SLC4A4: variants seen among roughly 807,000 people sequenced by gnomAD.
The protein encoded by SLC4A4 is electrogenic sodium bicarbonate cotransporter 1.
SLC4A4 carries 27 observed loss-of-function variants against 111.5 expected under a neutral mutation model. The ratio of observed to expected loss-of-function variants is 0.24; its 90% CI spans 0.18 to 0.33. The LOEUF (loss-of-function observed/expected upper bound fraction) is 0.33. Ranked by LOEUF, SLC4A4 falls within the 10% of genes least tolerant of loss-of-function variation. The probability of loss-of-function intolerance (pLI) is 1.00; values close to 1 mark genes in which losing one functional copy is unlikely to be tolerated. For missense variants in SLC4A4, 909 were observed against 1,315.5 expected (o/e 0.69, Z 4.78); for synonymous variants, 443 against 463.4 (o/e 0.96, Z 0.57).
intron 17 of SLC4A4, among the ~76,000 whole-genome samples, chr4:71,532,921 T>A (rs1164717226): frequency 6.6e-6 from 1 of 152,176 alleles, no homozygotes; most frequent in Non-Finnish European, 1.5e-5. Flanking sequence ...ACAAAGTAGA[T>A]ATAATAATTA....
At chr4:71,377,398 T>C (rs140457820) in intron 6 of SLC4A4, among the ~76,000 whole-genome samples, 88 of 152,356 alleles carry the variant, frequency 5.8e-4, no homozygotes, top group African/African-American at 2.0e-3. Context: ...ACTATGTGTT[T>C]GTGACTGTGA....
At chr4:71,477,719 AAAGAAC>A in intron 14 of SLC4A4, among the ~76,000 whole-genome samples, 1 of 151,826 alleles carries the variant, frequency 6.6e-6, no homozygotes, top group South Asian at 2.1e-4. Flanking sequence ...GAAATAGGGA[AAAGAAC>A]ATGGGCATCC....
chr4:71,477,796 T>C (rs1346895411), intron 14 of SLC4A4, among the ~76,000 whole-genome samples: 2 of 151,792 alleles, frequency 1.3e-5, no homozygotes, highest in African/African-American at 4.8e-5. Flanking sequence ...CATTCATTCA[T>C]CAACAAAAAT....
intron 12 of SLC4A4, among the ~76,000 whole-genome samples, chr4:71,458,408 T>C (rs1726494380): frequency 1.3e-5 from 2 of 152,222 alleles, no homozygotes; most frequent in South Asian, 2.1e-4. Flanking sequence ...ACATTGTTGA[T>C]TGTGAATGAA....
chr4:71,298,806 A>C (rs1725002112), intron 3 of SLC4A4, among the ~76,000 whole-genome samples: 2 of 152,028 alleles, frequency 1.3e-5, no homozygotes, highest in African/African-American at 4.8e-5. Context: ...ATGAGTTGGG[A>C]TTTGGTTTTC....
At chr4:71,519,616 A>G (rs1010607335) in intron 16 of SLC4A4, among the ~76,000 whole-genome samples, 4 of 151,216 alleles carry the variant, frequency 2.6e-5, no homozygotes, top group African/African-American at 4.8e-5. Flanking sequence ...ATAAATACAT[A>G]TGCATACATA....
chr4:71,143,179 A>G (rs1043460189), intron 2 of SLC4A4, among the ~76,000 whole-genome samples: 1 of 151,342 alleles, frequency 6.6e-6, no homozygotes, highest in Admixed American at 6.6e-5. Flanking sequence ...TTTCCCACCT[A>G]TGAGTGAGAA....
intron 2 of SLC4A4, among the ~76,000 whole-genome samples, chr4:71,105,245 C>G (rs1742874788): frequency 6.7e-6 from 1 of 150,072 alleles, no homozygotes; most frequent in Non-Finnish European, 1.5e-5. Flanking sequence ...AGGAGAACTA[C>G]AAACCACTGC....
At position 71,326,277 on chromosome 4, in the gene SLC4A4, T is replaced by C. The variant is rs1031016701; in HGVS notation, c.254-13093T>C. 2.6e-5 allele frequency among the ~76,000 whole-genome samples: 4 copies of C among 151,956 alleles called. No homozygotes were observed. The East Asian group carries it at 7.7e-4, about 29-fold the overall frequency. Reference sequence around the variant, plus strand: ...ACCACCGTGACAGTCCTTTGATACATTGTATGCTTCAAGTTTATAAGGATG... The same window carrying C: ...ACCACCGTGACAGTCCTTTGATACACTGTATGCTTCAAGTTTATAAGGATG... On this transcript the variant is annotated intron_variant, in intron 3 of 25. Transcript: ENST00000264485.
chr4:71,239,449 ACTCTCTCTTAGTTG>A (rs1720040885), intron 2 of SLC4A4, among the ~76,000 whole-genome samples: 1 of 152,094 alleles, frequency 6.6e-6, no homozygotes, highest in Non-Finnish European at 1.5e-5. Context: ...AGAGCCAGAT[ACTCTCTCTTAGTTG>A]CTTCGAATGC....
In SLC4A4 at chr4:71,408,582, T is replaced by A. The variant is rs564792385; in HGVS notation, c.807+10929T>A. On this transcript the variant is annotated intron_variant, in intron 7 of 25. Coordinates refer to ENST00000264485, the MANE Select transcript of SLC4A4 (RefSeq NM_001098484.3). Reference sequence around the variant, plus strand: ...GCTCTTAACTTCTGCTCTATACTGCTCTATCCACACTGTAAAGAAATGTAT... The same window carrying A: ...GCTCTTAACTTCTGCTCTATACTGCACTATCCACACTGTAAAGAAATGTAT... Among the ~76,000 whole-genome samples the A allele has an allele frequency of 4.6e-5, 7 of 152,310 alleles. No homozygotes were observed. In the South Asian group the frequency reaches 1.4e-3, roughly 32 times the overall value.
Position 71,311,427 on chromosome 4 carries a change from C to T in SLC4A4, c.254-27943C>T, listed in dbSNP as rs1042117457. On this transcript the variant is annotated intron_variant, in intron 3 of 25. Transcript: ENST00000264485. Reference sequence around the variant, plus strand: ...CACCACGTAGCACTTACTCTAAAATCGATCACATAATTGGAAGTAAAACAC... The same window carrying T: ...CACCACGTAGCACTTACTCTAAAATTGATCACATAATTGGAAGTAAAACAC... Among the ~76,000 whole-genome samples the T allele has an allele frequency of 9.2e-5, 14 of 152,164 alleles. No individual in the cohort carries two copies. The South Asian group carries it at 1.2e-3, about 14-fold the overall frequency.
chr4:71,563,032 T>A (rs535186339), intron 23 of SLC4A4, among the ~76,000 whole-genome samples: 1 of 151,638 alleles, frequency 6.6e-6, no homozygotes, highest in African/African-American at 2.4e-5. Flanking sequence ...ATAATGCATT[T>A]AAAAAAAACA....
intron 2 of SLC4A4, among the ~76,000 whole-genome samples, chr4:71,245,797 G>A (rs958066671): frequency 6.6e-6 from 1 of 152,134 alleles, no homozygotes; most frequent in African/African-American, 2.4e-5. Context: ...AGAATGGAGT[G>A]AGAAGAGGAC....
At chr4:71,149,750 G>A (rs1291736706) in intron 2 of SLC4A4, among the ~76,000 whole-genome samples, 2 of 152,154 alleles carry the variant, frequency 1.3e-5, no homozygotes, top group Non-Finnish European at 2.9e-5. Flanking sequence ...TGTGCTGATA[G>A]GTTTGGATGA....
At chr4:71,392,085 C>A (rs1719342491) in intron 6 of SLC4A4, among the ~76,000 whole-genome samples, 1 of 152,074 alleles carries the variant, frequency 6.6e-6, no homozygotes. Context: ...TTTCCAACAC[C>A]TTCCCAGGTT....
chr4:71,167,934 G>T, intron 2 of SLC4A4, among the ~76,000 whole-genome samples: 1 of 151,970 alleles, frequency 6.6e-6, no homozygotes, highest in Non-Finnish European at 1.5e-5. Flanking sequence ...GCCTTAGTCT[G>T]TTTTGTGCTG....
chr4:71,522,133 GTC>G (rs1732993611), intron 16 of SLC4A4, among the ~76,000 whole-genome samples: 1 of 152,200 alleles, frequency 6.6e-6, no homozygotes, highest in Non-Finnish European at 1.5e-5. Flanking sequence ...TCCATTGACA[GTC>G]TTTTTTGTAT....
At chr4:71,549,752 T>C (rs940123760) in intron 20 of SLC4A4, among the ~76,000 whole-genome samples, 8 of 151,830 alleles carry the variant, frequency 5.3e-5, no homozygotes, top group African/African-American at 1.5e-4. Flanking sequence ...GTATAATTAC[T>C]ATTTTTAGGA....
Sources: gnomAD v4.1 joint callset for allele counts (sites outside exome capture counted in the v4.1 genomes callset) on GRCh38, gnomAD v4.1.1 for gene constraint, MANE v1.5 for transcripts, NCBI Gene and HGNC (gene_info 2026-07-23, HGNC 2026-07-21) for gene names.